Variants in AP2A2 observed in about 807,000 individuals in gnomAD.
The protein encoded by AP2A2 is adaptor related protein complex 2 subunit alpha 2, also known as AP-2 complex subunit alpha-2.
Under a neutral mutation model 104.2 loss-of-function variants are expected in AP2A2, and 32 were observed. The ratio of observed to expected loss-of-function variants is 0.31; its 90% CI spans 0.23 to 0.41. The LOEUF (loss-of-function observed/expected upper bound fraction) is 0.41. AP2A2 is among the 10% of genes least tolerant of loss of function. AP2A2 has a pLI of 1.00. For synonymous variants in AP2A2, 539 were observed against 533.3 expected (o/e 1.01, Z -0.15); for missense variants, 912 against 1,261.0 (o/e 0.72, Z 4.19).
intron 10 of AP2A2, among the ~76,000 whole-genome samples, chr11:991,599 G>A (rs989336699): frequency 6.6e-6 from 1 of 152,096 alleles, no homozygotes. Context: ...GTGCACAGCC[G>A]TGAGCTGCGG....
chr11:982,949 C>T lies in AP2A2; in HGVS notation c.705+1650C>T, dbSNP rs928239992. On this transcript the variant is annotated intron_variant, in intron 6 of 21. Coordinates refer to ENST00000448903, the MANE Select transcript of AP2A2 (RefSeq NM_012305.4). ...TACAGGTGTGAGCCCCTGCGCCTGGCTGTGAAACTTTCTAATTATGAATTC... is the reference window on the plus strand; with the variant it reads ...TACAGGTGTGAGCCCCTGCGCCTGGTTGTGAAACTTTCTAATTATGAATTC... Among the ~76,000 whole-genome samples, 11 of 150,856 alleles carry T rather than the reference C, an allele frequency of 7.3e-5. No individual in the cohort carries two copies. The South Asian group carries it at 2.3e-3, about 32-fold the overall frequency.
At position 925,925 on chromosome 11, in the gene AP2A2, C is replaced by G; in HGVS notation, c.-97C>G. On this transcript the variant is annotated 5_prime_UTR_variant, in exon 1 of 22. Coordinates refer to ENST00000448903, the MANE Select transcript of AP2A2 (RefSeq NM_012305.4). ...GTGGTTAGGCGGCTCCCCGGCGGCT[C>G]CTCCGCGGCGGTGACGGCGACCGCA... 1.0e-6 allele frequency: 1 copy of G among 969,846 alleles called. No individual in the cohort carries two copies. The highest frequency in any genetic ancestry group is 1.4e-6 in the Non-Finnish European group (1 of 725,666). 60.1% of individuals were successfully genotyped at this position (969,846 alleles called of 1,614,324 possible). A position where few individuals can be genotyped will look rare whatever the true frequency, so the allele number is the denominator to read the frequency against.
At chr11:945,361 ATC>A (rs1472604769) in intron 1 of AP2A2, among the ~76,000 whole-genome samples, 5 of 151,808 alleles carry the variant, frequency 3.3e-5, no homozygotes, top group African/African-American at 4.8e-5. Flanking sequence ...TTGAGATGGA[ATC>A]TCTCTCGTCA....
chr11:941,265 C>G (rs1853635190), intron 1 of AP2A2, among the ~76,000 whole-genome samples: 1 of 152,084 alleles, frequency 6.6e-6, no homozygotes, highest in South Asian at 2.1e-4. Flanking sequence ...GCTTGCTCTC[C>G]TTGGCTGAGT....
chr11:1,005,118 A>C (rs1327754816), intron 16 of AP2A2, among the ~76,000 whole-genome samples: 3 of 152,222 alleles, frequency 2.0e-5, no homozygotes, highest in African/African-American at 7.2e-5. Flanking sequence ...ATTAAACGAA[A>C]TGTGGTCTGT....
intron 14 of AP2A2, among the ~76,000 whole-genome samples, chr11:994,620 A>C (rs1294627726): frequency 4.4e-5 from 5 of 112,958 alleles, no homozygotes; most frequent in Admixed American, 9.1e-5. Context: ...CCTGCTGCAC[A>C]CCCTGCTGGC....
Position 988,540 on chromosome 11 carries a change from C to A in AP2A2, c.1132-12C>A, listed in dbSNP as rs777411161. 1.2e-6 allele frequency: 2 copies of A among 1,609,088 alleles called. No individual in the cohort carries two copies. On this transcript the variant is annotated splice_polypyrimidine_tract_variant and intron_variant, in intron 9 of 21. Transcript: ENST00000448903. ...GCTCCTGCGACCTCTTACTCTGTGC[C>A]TTGTTCCCCAGACTGAGCGGGACGT...
In AP2A2 at chr11:988,609, G is replaced by A. The variant is rs765130178; in HGVS notation, c.1189G>A (p.Asp397Asn). The A allele has an allele frequency of 1.2e-6, 2 of 1,613,462 alleles. No individual in the cohort carries two copies. Among genetic ancestry groups the A allele is most frequent in the Admixed American group, 1.7e-5 (1 of 60,034 alleles). ...CGTGGACCTCCTCTACGCCATGTGC[G>A]ACCGCAGCAACGCCCCACAGATCGT... is the stretch of plus-strand genomic sequence containing the variant. ...RAVDLLYAMC[D>N]RSNAPQIVAE... Residue 397 changes from aspartate to asparagine, a missense_variant, in exon 10 of 22, where the codon GAC (aspartate) becomes AAC (asparagine). Physicochemically the swap from Asp to Asn is conservative, Grantham distance 23 (BLOSUM62 1). Transcript: ENST00000448903.
At chr11:938,982 G>A (rs1184664193) in intron 1 of AP2A2, among the ~76,000 whole-genome samples, 2 of 151,938 alleles carry the variant, frequency 1.3e-5, no homozygotes, top group Non-Finnish European at 2.9e-5. Context: ...GGCCAGGTGC[G>A]GTGGCTCACG....
intron 14 of AP2A2, among the ~76,000 whole-genome samples, chr11:998,437 A>G (rs890957996): frequency 5.9e-5 from 9 of 151,372 alleles, no homozygotes; most frequent in Admixed American, 3.9e-4. Context: ...AAACCCACAC[A>G]TGTAGTTTTT....
Position 941,687 on chromosome 11 carries a change from A to G in AP2A2, c.67+15599A>G, listed in dbSNP as rs1408749913. 2.6e-5 allele frequency among the ~76,000 whole-genome samples: 4 copies of G among 151,372 alleles called. No individual in the cohort carries two copies. The East Asian group carries it at 7.8e-4, about 30-fold the overall frequency. ...ACTGCAATCTCTGACTCCCAGGTTC[A>G]AGCGATTCTCCCACCTCAGCCTCCC... On this transcript the variant is annotated intron_variant, in intron 1 of 21. Transcript: ENST00000448903.
chr11:1,011,378 C>T lies in AP2A2; in HGVS notation c.*753C>T, dbSNP rs1234212920. ...TAAAGTGTGGGCCGGTGGCGCAAGA[C>T]TCAGAGGTGTGCTCGTCTCTTTCCT... is the stretch of plus-strand genomic sequence containing the variant. On this transcript the variant is annotated 3_prime_UTR_variant, in exon 22 of 22. Transcript: ENST00000448903. 1.9e-6 allele frequency: 1 copy of T among 517,612 alleles called. No homozygotes were observed. The highest frequency in any genetic ancestry group is 1.9e-5 in the Admixed American group (1 of 51,416). 32.1% of individuals were successfully genotyped at this position (517,612 alleles called of 1,614,324 possible).
chr11:969,393 C>G lies in AP2A2; in HGVS notation c.137-776C>G, dbSNP rs570659537. 2.6e-5 allele frequency among the ~76,000 whole-genome samples: 4 copies of G among 152,018 alleles called. No individual in the cohort carries two copies. The South Asian group carries it at 6.2e-4, about 24-fold the overall frequency. On this transcript the variant is annotated intron_variant, in intron 2 of 21. Coordinates refer to ENST00000448903, the MANE Select transcript of AP2A2 (RefSeq NM_012305.4). ...TACAGGCATGCACCACCACGCCTGG[C>G]TAATTTTGTATTTTTACTAGAGATG... is the stretch of plus-strand genomic sequence containing the variant.
chr11:1,008,376 G>T, intron 18 of AP2A2: 1 of 527,544 alleles, frequency 1.9e-6, no homozygotes, highest in Non-Finnish European at 3.2e-6. Flanking sequence ...GGCCTTGCTA[G>T]GATCTTTCTG....
intron 17 of AP2A2, 164 bp from the exon 18 acceptor site, chr11:1,007,848 G>T (rs115131030): frequency 1.1e-6 from 1 of 918,580 alleles, no homozygotes; most frequent in Non-Finnish European, 1.7e-6. Context: ...GATTGTCTGG[G>T]TGGAAGGGCA....
chr11:984,428 T>C, intron 6 of AP2A2, among the ~76,000 whole-genome samples: 1 of 152,202 alleles, frequency 6.6e-6, no homozygotes, highest in East Asian at 1.9e-4. Flanking sequence ...GAGCGAGGGC[T>C]GCCACTCAGC....
At chr11:1,008,206 CTG>C (rs749858306) in intron 18 of AP2A2, 71 bp downstream of exon 18, 29 of 1,500,518 alleles carry the variant, frequency 1.9e-5, no homozygotes, top group Non-Finnish European at 1.9e-5. Context: ...GGCTCCATGA[CTG>C]TGCCTCCGTG....
rs577990262 is a variant in AP2A2 at position 992,431 on chromosome 11, T to A, written c.1270-72T>A. ...GTGCTTCTGAAACTCTCACTTTGAC[T>A]TTGGACGACAGTTTGGTCTTGGGAT... is the stretch of plus-strand genomic sequence containing the variant. On this transcript the variant is annotated intron_variant, in intron 10 of 21. Coordinates refer to ENST00000448903, the MANE Select transcript of AP2A2 (RefSeq NM_012305.4). The surrounding 1 kb of genome is among the most constrained non-coding windows in gnomAD (Gnocchi z 6.4). 6.7e-6 allele frequency: 10 copies of A among 1,486,008 alleles called. No homozygotes were observed. The African/African-American group carries it at 1.3e-4, about 19-fold the overall frequency. The allele number at this position is 1,486,008 out of a possible 1,614,324, so 92.1% of individuals were successfully genotyped here.
At chr11:941,508 C>T (rs1271275287) in intron 1 of AP2A2, among the ~76,000 whole-genome samples, 2 of 151,756 alleles carry the variant, frequency 1.3e-5, no homozygotes, top group Non-Finnish European at 2.9e-5. Context: ...TCCTGAACTC[C>T]TGGCCTCAAG....
Sources: allele counts gnomAD v4.1 joint callset (sites outside exome capture counted in the v4.1 genomes callset), GRCh38; gene constraint gnomAD v4.1.1; non-coding constraint Gnocchi (gnomAD v3.1); transcripts MANE v1.5; gene names NCBI Gene and HGNC (gene_info 2026-07-23, HGNC 2026-07-21).